Variants in PRKCZ observed in about 807,000 individuals in gnomAD.
The protein encoded by PRKCZ is protein kinase C zeta type.
A neutral mutation model predicts 79.5 loss-of-function variants in PRKCZ; 33 were observed. That is an observed-to-expected ratio of 0.41 (90% CI 0.31 to 0.55). PRKCZ has a LOEUF of 0.55. PRKCZ is among the 20% of genes least tolerant of loss of function. The pLI is 0.19. For synonymous variants in PRKCZ, 342 were observed against 320.9 expected (o/e 1.07, Z -0.70); for missense variants, 578 against 813.5 (o/e 0.71, Z 3.52).
chr1:2,062,743 C>T (rs1343169409), intron 4 of PRKCZ, among the ~76,000 whole-genome samples: 3 of 152,106 alleles, frequency 2.0e-5, no homozygotes, highest in Non-Finnish European at 2.9e-5. Context: ...CCATCTTGGC[C>T]TCCCAAAGTG....
In PRKCZ at chr1:2,094,952, C is replaced by A. The variant is rs1010244127; in HGVS notation, c.334+35361C>A. ...CTGCTCCATGCCAGTTCTCTCCCTG[C>A]CCCCGCCGGCATGACACGGACACTG... On this transcript the variant is annotated intron_variant, in intron 4 of 17. Transcript: ENST00000378567. This position sits in a 1 kb window ranked among gnomAD's most constrained non-coding sequence, Gnocchi z 7.3. 2.0e-5 allele frequency among the ~76,000 whole-genome samples: 3 copies of A among 152,156 alleles called. No individual in the cohort carries two copies. Among genetic ancestry groups the A allele is most frequent in the African/African-American group, 7.2e-5 (3 of 41,390 alleles).
chr1:2,167,345 T>C (rs1366821473), intron 10 of PRKCZ, among the ~76,000 whole-genome samples: 1 of 152,234 alleles, frequency 6.6e-6, no homozygotes, highest in East Asian at 1.9e-4. Context: ...TGCTTTTCTC[T>C]AGAATTCATG....
At chr1:2,062,863 C>T (rs946687665) in intron 4 of PRKCZ, among the ~76,000 whole-genome samples, 4 of 152,074 alleles carry the variant, frequency 2.6e-5, no homozygotes, top group Non-Finnish European at 2.9e-5. Context: ...TCATCATCAC[C>T]GCCCATCTCC....
chr1:2,055,505 G>C lies in PRKCZ; in HGVS notation c.136G>C (p.Asp46His), dbSNP rs1340824330. The change falls in exon 2 of 18, where the codon GAC (aspartate) becomes CAC (histidine). Residue 46 changes from aspartate to histidine, a missense_variant. By Grantham distance (81) the Asp-to-His change is moderately conservative. This residue lies in a region of PRKCZ where 228 missense variants were observed against 211.6 expected (regional missense o/e 1.08). Transcript: ENST00000378567. The part of the protein sequence containing the change: ...TFEELCEEVR[D>H]MCRLHQQHPL... Reference sequence around the variant, plus strand: ...CGAGGAGCTCTGTGAGGAAGTGAGAGACATGTGTCGTCTGCACCAGCAGCA... The same window carrying C: ...CGAGGAGCTCTGTGAGGAAGTGAGACACATGTGTCGTCTGCACCAGCAGCA... 1.2e-6 allele frequency: 2 copies of C among 1,614,092 alleles called. No individual in the cohort carries two copies. Among genetic ancestry groups the C allele is most frequent in the Middle Eastern group, 1.6e-4 (1 of 6,062 alleles).
chr1:2,111,318 C>G (rs550160263), intron 4 of PRKCZ, among the ~76,000 whole-genome samples: 18 of 151,856 alleles, frequency 1.2e-4, no homozygotes, highest in Non-Finnish European at 1.9e-4. Context: ...TGGGGCACAG[C>G]CAGGGAGGGT....
chr1:2,081,825 C>T (rs1156901969), intron 4 of PRKCZ, among the ~76,000 whole-genome samples: 3 of 152,030 alleles, frequency 2.0e-5, no homozygotes, highest in East Asian at 1.9e-4. Context: ...ACTGCCGCCC[C>T]GCCCCCCAGC....
At chr1:2,141,737 C>T (rs1270871035) in intron 5 of PRKCZ, 2 of 167,518 alleles carry the variant, frequency 1.2e-5, no homozygotes, top group African/African-American at 2.4e-5. Flanking sequence ...AAATGGTGAC[C>T]TAGAGAAAGC....
rs755666345 is a variant in PRKCZ at position 2,178,593 on chromosome 1, G to A, written c.1575+3280G>A. Among the ~76,000 whole-genome samples, 29 of 152,226 alleles carry A rather than the reference G, an allele frequency of 1.9e-4. No homozygotes were observed. Among genetic ancestry groups the A allele is most frequent in the Non-Finnish European group, 3.4e-4 (23 of 68,036 alleles). On this transcript the variant is annotated intron_variant, in intron 16 of 17. Transcript: ENST00000378567. This position sits in a 1 kb window ranked among gnomAD's most constrained non-coding sequence, Gnocchi z 4.3. ...TTTCTCTTGGGCACGTGCTCAGGGCGCAGTTGCAGGTCCGGTGGTCTCAGT... is the reference window on the plus strand; with the variant it reads ...TTTCTCTTGGGCACGTGCTCAGGGCACAGTTGCAGGTCCGGTGGTCTCAGT...
chr1:2,163,178 GAAGCGCAGTGCCATCCTC>G (rs1682651583), intron 10 of PRKCZ, among the ~76,000 whole-genome samples: 1 of 152,244 alleles, frequency 6.6e-6, no homozygotes, highest in Non-Finnish European at 1.5e-5. Flanking sequence ...CTTTGCACCG[GAAGCGCAGTGCCATCCTC>G]AAGGCAGAAC....
intron 4 of PRKCZ, among the ~76,000 whole-genome samples, chr1:2,131,927 T>C (rs1675045173): frequency 6.6e-6 from 1 of 152,214 alleles, no homozygotes; most frequent in South Asian, 2.1e-4. Flanking sequence ...TTCTCCTGCC[T>C]CAGCCTCCCA....
chr1:2,126,150 G>A (rs888131540), intron 4 of PRKCZ, among the ~76,000 whole-genome samples: 4 of 152,138 alleles, frequency 2.6e-5, no homozygotes, highest in African/African-American at 7.2e-5. Context: ...TCCTCCCCCC[G>A]CCTGCACCAG....
rs140847922 is a variant in PRKCZ at position 2,121,002 on chromosome 1, C to T, written c.335-14260C>T. On this transcript the variant is annotated intron_variant, in intron 4 of 17. Coordinates refer to ENST00000378567, the MANE Select transcript of PRKCZ (RefSeq NM_002744.6). Reference sequence around the variant, plus strand: ...CTAATTTTTATGTTTTTATTAGAGACGGGGTTTTGCCATGTTGGCCAGGCT... The same window carrying T: ...CTAATTTTTATGTTTTTATTAGAGATGGGGTTTTGCCATGTTGGCCAGGCT... Among the ~76,000 whole-genome samples, 499 of 152,056 alleles carry T rather than the reference C, an allele frequency of 3.3e-3. 12 individuals carry two copies. In the East Asian group the frequency reaches 0.066, roughly 20 times the overall value.
At chr1:2,159,279 G>T (rs766375234) in intron 10 of PRKCZ, among the ~76,000 whole-genome samples, 1 of 152,250 alleles carries the variant, frequency 6.6e-6, no homozygotes. Flanking sequence ...TGGCGGAAAA[G>T]TCTGGCCTGG....
chr1:2,131,616 C>G (rs182814375), intron 4 of PRKCZ, among the ~76,000 whole-genome samples: 2 of 152,160 alleles, frequency 1.3e-5, no homozygotes, highest in Non-Finnish European at 2.9e-5. Context: ...GCGCAGGACT[C>G]GGCAATATAA....
chr1:2,068,161 A>T (rs2803301), intron 4 of PRKCZ, among the ~76,000 whole-genome samples: 17,411 of 152,210 alleles, frequency 0.11, 3,248 homozygotes, highest in African/African-American at 0.39. Flanking sequence ...TCCGGGGCAG[A>T]CCCCAGCTGC....
intron 4 of PRKCZ, among the ~76,000 whole-genome samples, chr1:2,077,241 T>C (rs1038317565): frequency 1.2e-4 from 18 of 152,302 alleles, no homozygotes; most frequent in African/African-American, 3.6e-4. Context: ...CCTGACTTGA[T>C]GTTATTTTGA....
intron 4 of PRKCZ, among the ~76,000 whole-genome samples, chr1:2,087,271 C>CG (rs1285963613): frequency 6.6e-6 from 1 of 151,866 alleles, no homozygotes; most frequent in Non-Finnish European, 1.5e-5. Context: ...TTAGTAGAGA[C>CG]GGGGTGTCAC....
intron 4 of PRKCZ, among the ~76,000 whole-genome samples, chr1:2,087,568 A>G (rs1162942178): frequency 2.6e-5 from 4 of 152,082 alleles, no homozygotes; most frequent in African/African-American, 9.7e-5. Context: ...AGGGTTTTTA[A>G]TGATGCTCTT....
At chr1:2,058,306 ATTTTTTTTTTTT>A (rs35722361) in intron 3 of PRKCZ, among the ~76,000 whole-genome samples, 3 of 125,350 alleles carry the variant, frequency 2.4e-5, no homozygotes. Flanking sequence ...CCCGGCCCCA[ATTTTTTTTTTTT>A]TTTTTTTTTT....
Sources: allele counts gnomAD v4.1 joint callset (sites outside exome capture counted in the v4.1 genomes callset), GRCh38; gene constraint gnomAD v4.1.1; regional missense constraint gnomAD v4.1.1; non-coding constraint Gnocchi (gnomAD v3.1); transcripts MANE v1.5; gene names NCBI Gene and HGNC (gene_info 2026-07-23, HGNC 2026-07-21).